ESPNL: variants seen among roughly 807,000 people sequenced by gnomAD.
ESPNL encodes espin-like protein.
ESPNL carries 49 observed loss-of-function variants against 46.8 expected under a neutral mutation model. That is an observed-to-expected ratio of 1.05 (90% CI 0.83 to 1.33). The LOEUF (loss-of-function observed/expected upper bound fraction) is 1.33, where lower values mean the gene tolerates loss of function less well. ESPNL is among the 40% of genes most tolerant of loss of function. The probability of loss-of-function intolerance (pLI) is 0.00; values close to 1 mark genes in which losing one functional copy is unlikely to be tolerated. For synonymous variants in ESPNL, 664 were observed against 662.1 expected, an observed-to-expected ratio of 1.00 and a Z score of -0.04; for missense variants, 1,540 against 1,436.6, an observed-to-expected ratio of 1.07 and a Z score of -1.16.
In ESPNL at chr2:238,107,913, C is replaced by A. The variant is rs1159631268; in HGVS notation, c.795C>A (p.Ile265=). Residue 265 remains isoleucine, a synonymous_variant, in exon 4 of 9, where the codon ATC becomes ATA. Coordinates refer to ENST00000343063, the MANE Select transcript of ESPNL (RefSeq NM_194312.4). ...GACTCCTGCTCATGGGTACCCCCAT[C>A]CTGAGAGACTCCTGGGGTGGGACCC... ...LDRLLLMGTP[I]LRDSWGGTPL... 6.2e-7 allele frequency: 1 copy of A among 1,612,670 alleles called. No homozygotes were observed. Among genetic ancestry groups the A allele is most frequent in the Non-Finnish European group, 8.5e-7 (1 of 1,179,762 alleles).
rs547736312 is a variant in ESPNL, at chr2:238,131,318, C to T, written c.2604C>T (p.Cys868=). Residue 868 remains cysteine (C), a synonymous_variant, in exon 9 of 9, where the codon TGC becomes TGT. Coordinates refer to ENST00000343063, the MANE Select transcript of ESPNL (RefSeq NM_194312.4). ...FMLGYFQLLE[C]DLPAEERKLR... is the part of the protein sequence containing the mutation. ...TGGGTTACTTCCAGCTGCTGGAGTG[C>T]GACCTGCCGGCGGAGGAGCGGAAGC... is the stretch of plus-strand genomic sequence containing the variant. 5.0e-6 allele frequency: 8 copies of T among 1,585,008 alleles called. No individual in the cohort carries two copies. The highest frequency in any genetic ancestry group is 3.6e-5 in the Admixed American group (2 of 55,934).
chr2:238,127,289 A>C, intron 6 of ESPNL: 1 of 1,049,582 alleles, frequency 9.5e-7, no homozygotes, highest in Non-Finnish European at 1.2e-6. Flanking sequence ...CATTGCAGGC[A>C]GCAAGGGAAC....
At chr2:238,118,365 GGATGGAGGAGGT>G (rs1691870722) in intron 5 of ESPNL, among the ~76,000 whole-genome samples, 1 of 123,994 alleles carries the variant, frequency 8.1e-6, no homozygotes, top group Admixed American at 7.6e-5. Context: ...GAGGAGGAAT[GGATGGAGGAGGT>G]GGATGGAGAA....
intron 4 of ESPNL, among the ~76,000 whole-genome samples, chr2:238,116,390 G>T (rs935579583): frequency 3.9e-5 from 6 of 152,202 alleles, no homozygotes; most frequent in Non-Finnish European, 8.8e-5. Context: ...GTGGTGAGCG[G>T]CTTGGTCAGG....
chr2:238,128,816 G>A lies in ESPNL; in HGVS notation c.1325G>A (p.Arg442His), dbSNP rs1370946892. The A allele has an allele frequency of 8.4e-6, 13 of 1,552,312 alleles. No homozygotes were observed. Reference sequence around the variant, plus strand: ...GGGCTGGTGCCCACGCGGGATGAGCGCGGCCAGCCCATCCCAGAGTGGAAG... The same window carrying A: ...GGGCTGGTGCCCACGCGGGATGAGCACGGCCAGCCCATCCCAGAGTGGAAG... ...IDGLVPTRDERGQPIPEWKRQ... is the reference protein window; with the variant it reads ...IDGLVPTRDEHGQPIPEWKRQ... Residue 442 changes from arginine to histidine, a missense_variant, in exon 8 of 9, where the codon CGC becomes CAC. Coordinates refer to ENST00000343063, the MANE Select transcript of ESPNL (RefSeq NM_194312.4).
intron 3 of ESPNL, among the ~76,000 whole-genome samples, chr2:238,105,129 T>C (rs1477123750): frequency 6.6e-6 from 1 of 152,104 alleles, no homozygotes; most frequent in African/African-American, 2.4e-5. Context: ...GCCTCCCAGG[T>C]GCTCTCACAG....
chr2:238,126,937 G>GTC (rs1553574046), intron 6 of ESPNL, among the ~76,000 whole-genome samples: 1 of 44,274 alleles, frequency 2.3e-5, no homozygotes, highest in East Asian at 6.2e-4. Flanking sequence ...GTCTGTGATT[G>GTC]TGTGTGTCAC....
rs1459790168 is a variant in ESPNL, at chr2:238,116,972, GACCTGGCGGAGT to G, written c.929_940del (p.Leu310_Tyr313del). On this transcript the variant is annotated inframe_deletion, in exon 5 of 9. Coordinates refer to ENST00000343063, the MANE Select transcript of ESPNL (RefSeq NM_194312.4). The stretch of plus-strand genomic sequence containing the variant: ...GGATGAAGATGGTTACACGGCGGCA[GACCTGGCGGAGT>G]ACCATGGACACCGGGACTGCGCCCA... 1 of 1,612,482 alleles carries G rather than the reference GACCTGGCGGAGT, an allele frequency of 6.2e-7. No individual in the cohort carries two copies. Among genetic ancestry groups the G allele is most frequent in the East Asian group, 2.2e-5 (1 of 44,894 alleles).
At chr2:238,100,848 A>G in intron 1 of ESPNL, 135 bp downstream of exon 1, 1 of 709,874 alleles carries the variant, frequency 1.4e-6, no homozygotes. Context: ...TTGGGGACTC[A>G]GTCAGTGGTT....
chr2:238,106,978 G>A (rs934941617), intron 3 of ESPNL, among the ~76,000 whole-genome samples: 2 of 152,232 alleles, frequency 1.3e-5, no homozygotes, highest in African/African-American at 2.4e-5. Context: ...CGAAGGCGAC[G>A]GGCTGCTGGC....
Position 238,104,791 on chromosome 2 carries a change from C to A in ESPNL, c.621C>A (p.Ser207Arg). The A allele has an allele frequency of 1.3e-6, 2 of 1,577,544 alleles. No homozygotes were observed. The highest frequency in any genetic ancestry group is 1.7e-6 in the Non-Finnish European group (2 of 1,163,700). The stretch of plus-strand genomic sequence containing the variant: ...ACCTTCGTGCTCTCGATGGCATGAG[C>A]GCCCTGCACGCTGCCGCCGCCCGTG... ...DVHLRALDGM[S>R]ALHAAAARGH... is the part of the protein sequence containing the mutation. Residue 207 changes from serine (S) to arginine (R), a missense_variant, in exon 3 of 9, where the codon AGC becomes AGA. Physicochemically the swap from Ser to Arg is moderately radical, Grantham distance 110 (BLOSUM62 -1). Transcript: ENST00000343063.
chr2:238,124,815 G>A (rs547789863), intron 5 of ESPNL, among the ~76,000 whole-genome samples: 11 of 151,258 alleles, frequency 7.3e-5, no homozygotes, highest in African/African-American at 2.4e-4. Context: ...GAGAGTGTAC[G>A]TGCATGTGTG....
In ESPNL at chr2:238,131,838, TGC is replaced by T; in HGVS notation, c.*107_*108del. 2.4e-6 allele frequency: 3 copies of T among 1,256,282 alleles called. No homozygotes were observed. Among genetic ancestry groups the T allele is most frequent in the Non-Finnish European group, 3.3e-6 (3 of 897,944 alleles). 77.8% of individuals were successfully genotyped at this position (1,256,282 alleles called of 1,614,324 possible). A position where few individuals can be genotyped will look rare whatever the true frequency, so the allele number is the denominator to read the frequency against. The stretch of plus-strand genomic sequence containing the variant: ...GGTGTTCAGGTGAGCCGGGCAAGGC[TGC>T]CTCCAGTCCTACCAGTTATCGGAGG... On this transcript the variant is annotated 3_prime_UTR_variant, in exon 9 of 9. Coordinates refer to ENST00000343063, the MANE Select transcript of ESPNL (RefSeq NM_194312.4).
chr2:238,119,769 C>A (rs531640696), intron 5 of ESPNL, among the ~76,000 whole-genome samples: 32 of 152,188 alleles, frequency 2.1e-4, no homozygotes, highest in African/African-American at 7.2e-4. Context: ...GGTGTCATCG[C>A]CCTCCACCCC....
chr2:238,132,055 G>T lies in ESPNL; in HGVS notation c.*323G>T. 3.7e-6 allele frequency: 1 copy of T among 272,906 alleles called. No individual in the cohort carries two copies. Among genetic ancestry groups the T allele is most frequent in the Non-Finnish European group, 6.9e-6 (1 of 145,186 alleles). 16.9% of individuals were successfully genotyped at this position (272,906 alleles called of 1,614,324 possible). On this transcript the variant is annotated 3_prime_UTR_variant, in exon 9 of 9. Coordinates refer to ENST00000343063, the MANE Select transcript of ESPNL (RefSeq NM_194312.4). ...CCTGTTTCTCACTTGTCCTTCCCCA[G>T]TGTCACCAGTTCCCTTGGCGTCCTG...
rs1250975477 is a variant in ESPNL, at chr2:238,128,975, A to AG, written c.1413+74dup. On this transcript the variant is annotated intron_variant, in intron 8 of 8. Transcript: ENST00000343063. Reference sequence around the variant, plus strand: ...TTCCAGGTAGGTGGAAGTGGAAGTCAGGGCGCCCGAAGCCCAGAACTGAAT... The same window carrying AG: ...TTCCAGGTAGGTGGAAGTGGAAGTCAGGGGCGCCCGAAGCCCAGAACTGAAT... 6.7e-6 allele frequency: 10 copies of AG among 1,489,366 alleles called. No individual in the cohort carries two copies. In the South Asian group the frequency reaches 8.9e-5, roughly 13 times the overall value. 92.3% of individuals were successfully genotyped at this position (1,489,366 alleles called of 1,614,324 possible).
chr2:238,122,444 A>G (rs879856520), intron 5 of ESPNL, among the ~76,000 whole-genome samples: 9 of 152,146 alleles, frequency 5.9e-5, no homozygotes, highest in Admixed American at 5.9e-4. Flanking sequence ...ACAGGTGAAG[A>G]AATGGAGGCT....
intron 1 of ESPNL, among the ~76,000 whole-genome samples, 200 bp downstream of exon 1, chr2:238,100,913 T>C (rs1000456137): frequency 6.6e-6 from 1 of 152,064 alleles, no homozygotes; most frequent in African/African-American, 2.4e-5. Flanking sequence ...CAAGAACACC[T>C]CCTAAATTTT....
Position 238,114,383 on chromosome 2 carries a change from C to T in ESPNL, c.856-2520C>T, listed in dbSNP as rs1268406786. 6.6e-6 allele frequency among the ~76,000 whole-genome samples: 1 copy of T among 152,158 alleles called. No homozygotes were observed. Among genetic ancestry groups the T allele is most frequent in the African/African-American group, 2.4e-5 (1 of 41,428 alleles). ...CCCCTCCTCCGCATCCTGGCCTCCT[C>T]TTCCCAGCAACAGCTCCTTGGGGAC... On this transcript the variant is annotated intron_variant, in intron 4 of 8. Transcript: ENST00000343063. The surrounding 1 kb of genome is among the most constrained non-coding windows in gnomAD (Gnocchi z 5.0).
Sources: allele counts gnomAD v4.1 joint callset (sites outside exome capture counted in the v4.1 genomes callset), GRCh38; gene constraint gnomAD v4.1.1; non-coding constraint Gnocchi (gnomAD v3.1); transcripts MANE v1.5; gene names NCBI Gene and HGNC (gene_info 2026-07-23, HGNC 2026-07-21).